Variants in SPRED3 observed in about 807,000 individuals in gnomAD.
SPRED3 encodes sprouty-related, EVH1 domain-containing protein 3.
Under a neutral mutation model 37.6 loss-of-function variants are expected in SPRED3, and 23 were observed. That is an observed-to-expected ratio of 0.61 (90% CI 0.44 to 0.87). The LOEUF (loss-of-function observed/expected upper bound fraction) is 0.87, where lower values mean the gene tolerates loss of function less well. Among genes scored for constraint, SPRED3 ranks in the 40% least tolerant of loss-of-function variants. The pLI is 0.00. For missense variants in SPRED3, 584 were observed against 618.6 expected, an observed-to-expected ratio of 0.94 and a Z score of 0.59; for synonymous variants, 302 against 279.6, an observed-to-expected ratio of 1.08 and a Z score of -0.80.
At position 38,395,825 on chromosome 19, in the gene SPRED3, C is replaced by A. The variant is rs1166846847; in HGVS notation, c.913C>A (p.Arg305Ser). ...ARCVHCRALF[R>S]RRADGRGGRC... ...CTGCGTGCATTGCCGCGCGCTCTTC[C>A]GTCGCAGAGCAGACGGGCGTGGCGG... The change falls in exon 6 of 6, where the codon CGT becomes AGT. Residue 305 changes from arginine to serine, a missense_variant. Coordinates refer to ENST00000691638, the MANE Select transcript of SPRED3 (RefSeq NM_001394336.1). This position sits in a 1 kb window ranked among gnomAD's most constrained non-coding sequence, Gnocchi z 5.2. 1 of 1,463,626 alleles carries A rather than the reference C, an allele frequency of 6.8e-7. No homozygotes were observed. Among genetic ancestry groups the A allele is most frequent in the African/African-American group, 1.5e-5 (1 of 67,872 alleles). The allele number at this position is 1,463,626 out of a possible 1,614,324, so 90.7% of individuals were successfully genotyped here.
Position 38,394,719 on chromosome 19 carries a change from T to C in SPRED3, c.500T>C (p.Ile167Thr), listed in dbSNP as rs746905493. Residue 167 changes from isoleucine to threonine, a missense_variant, in exon 5 of 6, where the codon ATC (isoleucine) becomes ACC (threonine). Physicochemically the swap from Ile to Thr is moderately conservative, Grantham distance 89. Transcript: ENST00000691638. Reference sequence around the variant, plus strand: ...CCCAGCGCCGCTGCGGCCCCCATCATCACGATGGAGTCAGCTTCAGGCTTC... The same window carrying C: ...CCCAGCGCCGCTGCGGCCCCCATCACCACGATGGAGTCAGCTTCAGGCTTC... ...TPPSAAAAPI[I>T]TMESASGFGP... The C allele has an allele frequency of 1.3e-6, 2 of 1,593,660 alleles. No homozygotes were observed. Among genetic ancestry groups the C allele is most frequent in the Non-Finnish European group, 8.5e-7 (1 of 1,172,762 alleles).
intron 4 of SPRED3, chr19:38,394,352 C>A: frequency 4.5e-6 from 7 of 1,557,644 alleles, no homozygotes; most frequent in Non-Finnish European, 6.1e-6. Flanking sequence ...TAACAATAAC[C>A]ATTTCCAGCT....
chr19:38,390,775 C>T (rs983087564), intron 2 of SPRED3, among the ~76,000 whole-genome samples: 2 of 124,628 alleles, frequency 1.6e-5, no homozygotes, highest in African/African-American at 5.9e-5. Flanking sequence ...CCCCCCCCCC[C>T]CCGCCCCGAC....
chr19:38,393,960 C>G (rs773084397), intron 4 of SPRED3, among the ~76,000 whole-genome samples: 2 of 152,170 alleles, frequency 1.3e-5, no homozygotes, highest in East Asian at 1.9e-4. Context: ...ATCCATGGAG[C>G]ACTTACCCGG....
chr19:38,391,840 G>A (rs1353696959), intron 2 of SPRED3, 106 bp from the exon 3 acceptor site: 5 of 1,321,982 alleles, frequency 3.8e-6, no homozygotes, highest in Non-Finnish European at 4.2e-6. Flanking sequence ...TGGGAAATGA[G>A]GTTTGTGAGA....
At chr19:38,391,896 A>C in intron 2 of SPRED3, 50 bp from the exon 3 acceptor site, 1 of 1,601,646 alleles carries the variant, frequency 6.2e-7, no homozygotes, top group Non-Finnish European at 8.5e-7. Flanking sequence ...GAGACGTCAC[A>C]GGCATGTCTG....
chr19:38,390,239 G>A (rs1241965345), intron 1 of SPRED3, 60 bp from the exon 2 acceptor site: 3 of 1,313,934 alleles, frequency 2.3e-6, no homozygotes, highest in South Asian at 2.9e-5. Flanking sequence ...ACATTCCATG[G>A]GAGAGCAGGG....
intron 4 of SPRED3, chr19:38,392,533 T>C: frequency 4.7e-6 from 2 of 422,444 alleles, no homozygotes; most frequent in Non-Finnish European, 4.1e-6. Context: ...CTTTAGGCAC[T>C]GGGTTACATC....
At position 38,396,738 on chromosome 19, in the gene SPRED3, A is replaced by T. The variant is rs1168499071; in HGVS notation, c.*593A>T. The stretch of plus-strand genomic sequence containing the variant: ...CAGGACCCCTGAGAAAGTTTCAAAC[A>T]GAGTTTGAAACTCTGTTATGCTCTG... On this transcript the variant is annotated 3_prime_UTR_variant, in exon 6 of 6. Coordinates refer to ENST00000691638, the MANE Select transcript of SPRED3 (RefSeq NM_001394336.1). The T allele has an allele frequency of 6.6e-6, 1 of 152,042 alleles. No individual in the cohort carries two copies. Among genetic ancestry groups the T allele is most frequent in the East Asian group, 1.9e-4 (1 of 5,180 alleles). The allele number at this position is 152,042 out of a possible 1,614,324, so 9.4% of individuals were successfully genotyped here.
Position 38,399,503 on chromosome 19 carries a change from G to A in SPRED3, c.*3358G>A, listed in dbSNP as rs924862531. Reference sequence around the variant, plus strand: ...TGTCAGTGCAGGCTGAAGTGGTGGGGGAGGATGGGGGCCAAAGACCCAGCC... The same window carrying A: ...TGTCAGTGCAGGCTGAAGTGGTGGGAGAGGATGGGGGCCAAAGACCCAGCC... On this transcript the variant is annotated 3_prime_UTR_variant, in exon 6 of 6. Coordinates refer to ENST00000691638, the MANE Select transcript of SPRED3 (RefSeq NM_001394336.1). The A allele has an allele frequency of 6.6e-6, 1 of 152,120 alleles. No individual in the cohort carries two copies. The highest frequency in any genetic ancestry group is 6.5e-5 in the Admixed American group (1 of 15,280). The allele number at this position is 152,120 out of a possible 1,614,324, so 9.4% of individuals were successfully genotyped here.
In SPRED3 at chr19:38,395,653, G is replaced by C. The variant is rs1251663202; in HGVS notation, c.741G>C (p.Leu247Phe). The change falls in exon 6 of 6, where the codon TTG becomes TTC. Residue 247 changes from leucine (L) to phenylalanine (F), a missense_variant. Transcript: ENST00000691638. The surrounding 1 kb of genome is among the most constrained non-coding windows in gnomAD (Gnocchi z 5.2). The part of the protein sequence containing the change: ...CVVRFAKTGA[L>F]RGAALGPPAA... Reference sequence around the variant, plus strand: ...TGCGCTTCGCCAAGACCGGCGCGTTGAGGGGCGCTGCCCTGGGTCCCCCAG... The same window carrying C: ...TGCGCTTCGCCAAGACCGGCGCGTTCAGGGGCGCTGCCCTGGGTCCCCCAG... 6.6e-7 allele frequency: 1 copy of C among 1,524,492 alleles called. No individual in the cohort carries two copies. Among genetic ancestry groups the C allele is most frequent in the Non-Finnish European group, 8.7e-7 (1 of 1,146,504 alleles). The allele number at this position is 1,524,492 out of a possible 1,614,324, so 94.4% of individuals were successfully genotyped here. A position where few individuals can be genotyped will look rare whatever the true frequency, so the allele number is the denominator to read the frequency against.
At position 38,398,805 on chromosome 19, in the gene SPRED3, A is replaced by T. The variant is rs1970929068; in HGVS notation, c.*2660A>T. The T allele has an allele frequency of 1.3e-5, 2 of 152,350 alleles. No homozygotes were observed. Among genetic ancestry groups the T allele is most frequent in the South Asian group, 4.1e-4 (2 of 4,824 alleles). 9.4% of individuals were successfully genotyped at this position (152,350 alleles called of 1,614,324 possible). ...ACCTTTCTTCATTACCCAGACTTGGATGGCCTTGTTGGGGTTCAAGGGATA... is the reference window on the plus strand; with the variant it reads ...ACCTTTCTTCATTACCCAGACTTGGTTGGCCTTGTTGGGGTTCAAGGGATA... On this transcript the variant is annotated 3_prime_UTR_variant, in exon 6 of 6. Coordinates refer to ENST00000691638, the MANE Select transcript of SPRED3 (RefSeq NM_001394336.1).
chr19:38,394,890 G>A, intron 5 of SPRED3, 104 bp downstream of exon 5: 1 of 1,384,160 alleles, frequency 7.2e-7, no homozygotes, highest in South Asian at 1.5e-5. Flanking sequence ...ACAGATTCCA[G>A]GGGATGGCTG....
In SPRED3 at chr19:38,395,671, T is replaced by G. The variant is rs113422285; in HGVS notation, c.759T>G (p.Gly253=). Residue 253 remains glycine, a synonymous_variant, in exon 6 of 6, where the codon GGT becomes GGG. Coordinates refer to ENST00000691638, the MANE Select transcript of SPRED3 (RefSeq NM_001394336.1). The surrounding 1 kb of genome is among the most constrained non-coding windows in gnomAD (Gnocchi z 5.2). ...GCGCGTTGAGGGGCGCTGCCCTGGG[T>G]CCCCCAGCGGCACTACCTGCCCCTT... ...KTGALRGAAL[G]PPAALPAPLT... 45,427 of 1,504,204 alleles carry G rather than the reference T, an allele frequency of 0.03. 768 individuals are homozygous for G. Among genetic ancestry groups the G allele is most frequent in the South Asian group, 0.047 (3,685 of 79,146 alleles). The allele number at this position is 1,504,204 out of a possible 1,614,324, so 93.2% of individuals were successfully genotyped here. A position where few individuals can be genotyped will look rare whatever the true frequency, so the allele number is the denominator to read the frequency against.
chr19:38,390,459 G>A lies in SPRED3; in HGVS notation c.157G>A (p.Glu53Lys). The A allele has an allele frequency of 2.9e-6, 4 of 1,372,178 alleles. No homozygotes were observed. Among genetic ancestry groups the A allele is most frequent in the Non-Finnish European group, 2.8e-6 (3 of 1,060,156 alleles). The allele number at this position is 1,372,178 out of a possible 1,614,324, so 85.0% of individuals were successfully genotyped here. The change falls in exon 2 of 6, where the codon GAA becomes AAA. Residue 53 changes from glutamate (E) to lysine (K), a missense_variant. By Grantham distance (56) the Glu-to-Lys change is moderately conservative. Coordinates refer to ENST00000691638, the MANE Select transcript of SPRED3 (RefSeq NM_001394336.1). ...ARQGHYVIHG[E>K]RLRDQKTTLE... ...CCAGGGGCACTACGTCATCCACGGG[G>A]AACGCCTCCGGGACCAGAAAGTGAG... is the stretch of plus-strand genomic sequence containing the variant.
intron 4 of SPRED3, chr19:38,394,234 G>A (rs1013729220): frequency 1.3e-4 from 174 of 1,344,550 alleles, no homozygotes; most frequent in Admixed American, 1.8e-4. Context: ...AGTGAGAGAG[G>A]AAGGCAGCTG....
chr19:38,388,836 G>A, intron 1 of SPRED3, 29 bp downstream of exon 1: 1 of 397,490 alleles, frequency 2.5e-6, no homozygotes, highest in Non-Finnish European at 4.4e-6. Flanking sequence ...GAGGGGGCGG[G>A]GGCTGACAGA....
chr19:38,398,325 C>G lies in SPRED3; in HGVS notation c.*2180C>G, dbSNP rs1331284804. ...AATCTCGGCTCACCACAACCTCCCC[C>G]TCCCGGGTTCAAGCCATTCGTCTGC... On this transcript the variant is annotated 3_prime_UTR_variant, in exon 6 of 6. Transcript: ENST00000691638. The G allele has an allele frequency of 2.0e-5, 3 of 152,238 alleles. No individual in the cohort carries two copies. The highest frequency in any genetic ancestry group is 2.4e-5 in the African/African-American group (1 of 41,442). 9.4% of individuals were successfully genotyped at this position (152,238 alleles called of 1,614,324 possible).
chr19:38,393,837 TG>T (rs1392616349), intron 4 of SPRED3, among the ~76,000 whole-genome samples: 2 of 152,180 alleles, frequency 1.3e-5, no homozygotes, highest in African/African-American at 4.8e-5. Flanking sequence ...CTGGAAACCT[TG>T]GGAGTTGCCT....
Sources: gnomAD v4.1 joint callset for allele counts (sites outside exome capture counted in the v4.1 genomes callset) on GRCh38, gnomAD v4.1.1 for gene constraint, Gnocchi (gnomAD v3.1) non-coding constraint, MANE v1.5 for transcripts, NCBI Gene and HGNC (gene_info 2026-07-23, HGNC 2026-07-21) for gene names.